The following ZFYVE27 variants were observed in gnomAD, a reference collection of about 807,000 sequenced individuals.
ZFYVE27 encodes the protein zinc finger FYVE-type containing 27, also known as protrudin.
A neutral mutation model predicts 52.8 loss-of-function variants in ZFYVE27; 36 were observed. The ratio of observed to expected loss-of-function variants is 0.68; its 90% confidence interval spans 0.52 to 0.90. The LOEUF is 0.90. Among genes scored for constraint, ZFYVE27 ranks in the 40% least tolerant of loss-of-function variants. ZFYVE27 has a pLI of 0.00. For synonymous variants in ZFYVE27, 223 were observed against 215.6 expected (o/e 1.03, Z -0.30); for missense variants, 450 against 527.2 (o/e 0.85, Z 1.43).
At chr10:97,749,089 G>T (rs1272723499) in intron 5 of ZFYVE27, among the ~76,000 whole-genome samples, 1 of 152,168 alleles carries the variant, frequency 6.6e-6, no homozygotes, top group Non-Finnish European at 1.5e-5. Context: ...CGCTACTTCA[G>T]TCCCCATCTT....
chr10:97,749,335 G>C, intron 5 of ZFYVE27, 139 bp from the exon 6 acceptor site: 1 of 732,380 alleles, frequency 1.4e-6, no homozygotes, highest in Non-Finnish European at 2.5e-6. Context: ...ATTTTCCGCT[G>C]GTTTGATGAG....
chr10:97,759,198 G>A (rs761504631), intron 12 of ZFYVE27, 38 bp from the exon 13 acceptor site: 127 of 1,612,324 alleles, frequency 7.9e-5, no homozygotes, highest in Middle Eastern at 1.6e-4. Flanking sequence ...ACCAAAGGGC[G>A]CAAGGAAATG....
chr10:97,751,264 C>T (rs957259579), intron 7 of ZFYVE27, 127 bp from the exon 8 acceptor site: 6 of 1,078,912 alleles, frequency 5.6e-6, no homozygotes, highest in African/African-American at 3.1e-5. Flanking sequence ...TGAGTTCCTT[C>T]TTTCTTGCCA....
rs1485140549 is a variant in ZFYVE27, at chr10:97,751,373, T to C, written c.805-18T>C. 1.9e-6 allele frequency: 3 copies of C among 1,613,056 alleles called. No homozygotes were observed. The highest frequency in any genetic ancestry group is 1.1e-5 in the South Asian group (1 of 91,072). On this transcript the variant is annotated intron_variant, in intron 7 of 12. Coordinates refer to ENST00000684270, the MANE Select transcript of ZFYVE27 (RefSeq NM_001385875.1). ...CGCTGCCATCCTTCTCCTTCTGTCA[T>C]AGAGTCTCTCTTCCCAGGACCTCAC...
chr10:97,746,028 CATATATATAT>C (rs398046319), intron 4 of ZFYVE27, among the ~76,000 whole-genome samples: 10 of 129,320 alleles, frequency 7.7e-5, no homozygotes, highest in African/African-American at 1.5e-4. Flanking sequence ...TATATATACA[CATATATATAT>C]ATATATATAT....
At chr10:97,741,282 AAATCATTCTGC>A (rs2043552765) in intron 2 of ZFYVE27, among the ~76,000 whole-genome samples, 3 of 152,230 alleles carry the variant, frequency 2.0e-5, no homozygotes, top group Non-Finnish European at 4.4e-5. Flanking sequence ...AAAAGATTAT[AAATCATTCTGC>A]TGTAAAGACA....
In ZFYVE27 at chr10:97,753,033, C is replaced by T; in HGVS notation, c.898-5C>T. On this transcript the variant is annotated splice_polypyrimidine_tract_variant and splice_region_variant and intron_variant, in intron 9 of 12. Coordinates refer to ENST00000684270, the MANE Select transcript of ZFYVE27 (RefSeq NM_001385875.1). ...GGGCAGGACTGGAAGGAGCTGTTCC[C>T]ACAGGAGGATGATGAGGGCGCCCCG... The T allele has an allele frequency of 6.2e-7, 1 of 1,612,734 alleles. No homozygotes were observed. The highest frequency in any genetic ancestry group is 2.2e-5 in the East Asian group (1 of 44,814).
rs756798085 is a variant in ZFYVE27, at chr10:97,757,284, G to C, written c.1062G>C (p.Ser354=). The part of the protein sequence containing the change: ...TNNFGNCTGC[S]ATFSVLKKRR... The stretch of plus-strand genomic sequence containing the variant: ...TCTCAGGGAACTGCACGGGCTGCTC[G>C]GCCACCTTCTCAGTGCTGAAGAAGA... The change falls in exon 11 of 13, where the codon TCG becomes TCC. Residue 354 remains serine, a synonymous_variant. Coordinates refer to ENST00000684270, the MANE Select transcript of ZFYVE27 (RefSeq NM_001385875.1). The C allele has an allele frequency of 2.1e-5, 34 of 1,614,140 alleles. No homozygotes were observed. The highest frequency in any genetic ancestry group is 2.9e-5 in the Non-Finnish European group (34 of 1,180,012).
At position 97,744,723 on chromosome 10, in the gene ZFYVE27, CTGCAGG is replaced by C; in HGVS notation, c.269-1_273del. The C allele has an allele frequency of 6.2e-7, 1 of 1,613,318 alleles. No homozygotes were observed. Among genetic ancestry groups the C allele is most frequent in the South Asian group, 1.1e-5 (1 of 90,958 alleles). ...TGTGTTACCTGCAGTGTTTTTGATT[CTGCAGG>C]TGCATGGTACTCAGTAGGTGCCCTG... On this transcript the variant is annotated splice_acceptor_variant and splice_polypyrimidine_tract_variant and coding_sequence_variant and intron_variant, in exon 4 of 13. Transcript: ENST00000684270. LOFTEE classifies it high-confidence loss of function.
chr10:97,759,431 C>T lies in ZFYVE27; in HGVS notation c.*131C>T. 2 of 895,092 alleles carry T rather than the reference C, an allele frequency of 2.2e-6. No homozygotes were observed. The highest frequency in any genetic ancestry group is 2.8e-5 in the South Asian group (2 of 71,666). 55.4% of individuals were successfully genotyped at this position (895,092 alleles called of 1,614,324 possible). A position where few individuals can be genotyped will look rare whatever the true frequency, so the allele number is the denominator to read the frequency against. On this transcript the variant is annotated 3_prime_UTR_variant, in exon 13 of 13. Transcript: ENST00000684270. ...CTGAATGCTAGGTAGGCTTCCCCTT[C>T]CTTCCTCACTCTCTCCAGCTGGATT... is the stretch of plus-strand genomic sequence containing the variant.
intron 3 of ZFYVE27, among the ~76,000 whole-genome samples, chr10:97,744,139 G>A (rs144192107): frequency 6.6e-6 from 1 of 152,312 alleles, no homozygotes; most frequent in African/African-American, 2.4e-5. Flanking sequence ...TGCTCCCAAA[G>A]TAAGTCAGTT....
At chr10:97,754,660 G>A (rs2047892780) in intron 10 of ZFYVE27, 4 of 1,288,534 alleles carry the variant, frequency 3.1e-6, no homozygotes, top group Admixed American at 2.3e-5. Context: ...AGGGCATTCT[G>A]TATGTTCAGT....
chr10:97,744,804 C>T lies in ZFYVE27; in HGVS notation c.344C>T (p.Ala115Val). 6.2e-7 allele frequency: 1 copy of T among 1,614,022 alleles called. No homozygotes were observed. Among genetic ancestry groups the T allele is most frequent in the Non-Finnish European group, 8.5e-7 (1 of 1,180,036 alleles). Reference protein sequence around the residue: ...LLGYLQEVCRARLPDSELMRR... With the variant: ...LLGYLQEVCRVRLPDSELMRR... ...GGCTACCTTCAGGAGGTTTGCCGGG[C>T]ACGGCTGCCTGATTCCGAGCTGATG... Residue 115 changes from alanine to valine, a missense_variant, in exon 4 of 13, where the codon GCA becomes GTA. Transcript: ENST00000684270.
intron 4 of ZFYVE27, among the ~76,000 whole-genome samples, chr10:97,745,697 T>C (rs1438221431): frequency 6.6e-6 from 1 of 152,238 alleles, no homozygotes; most frequent in East Asian, 1.9e-4. Flanking sequence ...TGTCTTGTAC[T>C]GGGGAAGTGT....
chr10:97,737,995 G>T (rs1437764314), intron 1 of ZFYVE27, among the ~76,000 whole-genome samples: 1 of 152,240 alleles, frequency 6.6e-6, no homozygotes, highest in Non-Finnish European at 1.5e-5. Flanking sequence ...CTTTGACGTG[G>T]TCAGTGCTCT....
Position 97,757,663 on chromosome 10 carries a change from A to G in ZFYVE27, c.1111A>G (p.Asn371Asp), listed in dbSNP as rs1411941821. ...KKRRSCSNCG[N>D]SFCSRCCSFK... ...GCAGCGGAGCTGCAGTAATTGTGGA[A>G]ACAGCTTCTGCTCTCGATGCTGCTC... is the stretch of plus-strand genomic sequence containing the variant. Residue 371 changes from asparagine (N) to aspartate (D), a missense_variant, in exon 12 of 13, where the codon AAC becomes GAC. Asn to Asp is a conservative substitution (Grantham distance 23). Coordinates refer to ENST00000684270, the MANE Select transcript of ZFYVE27 (RefSeq NM_001385875.1). 2.5e-6 allele frequency: 4 copies of G among 1,614,034 alleles called. No individual in the cohort carries two copies. Among genetic ancestry groups the G allele is most frequent in the Non-Finnish European group, 3.4e-6 (4 of 1,180,022 alleles).
chr10:97,738,821 T>G (rs1589980971), intron 2 of ZFYVE27, 147 bp downstream of exon 2: 1 of 850,554 alleles, frequency 1.2e-6, no homozygotes, highest in Non-Finnish European at 1.9e-6. Context: ...GGCCTCTGGG[T>G]TTATCTAGGC....
intron 1 of ZFYVE27, among the ~76,000 whole-genome samples, chr10:97,738,027 G>A (rs890168514): frequency 2.0e-5 from 3 of 152,238 alleles, no homozygotes; most frequent in Admixed American, 1.3e-4. Flanking sequence ...TAGCCACAAG[G>A]CCAAGAAGCG....
At chr10:97,757,761 C>A in intron 12 of ZFYVE27, 38 bp downstream of exon 12, 2 of 1,605,308 alleles carry the variant, frequency 1.2e-6, no homozygotes, top group Admixed American at 1.7e-5. Flanking sequence ...TGGTTGGTAT[C>A]CCGCCCAGGG....
Sources: gnomAD v4.1 joint callset for allele counts (sites outside exome capture counted in the v4.1 genomes callset) on GRCh38, gnomAD v4.1.1 for gene constraint, MANE v1.5 for transcripts, NCBI Gene and HGNC (gene_info 2026-07-23, HGNC 2026-07-21) for gene names.